Variants in RPIA observed in about 807,000 individuals in gnomAD.
The protein encoded by RPIA is ribose-5-phosphate isomerase.
RPIA carries 29 observed loss-of-function variants against 37.8 expected under a neutral mutation model. That is an observed-to-expected ratio of 0.77 (90% CI 0.57 to 1.05). The LOEUF (loss-of-function observed/expected upper bound fraction) is 1.05, where lower values mean the gene tolerates loss of function less well. RPIA is among the 50% of genes least tolerant of loss of function. The probability of loss-of-function intolerance (pLI) is 0.00; values close to 1 mark genes in which losing one functional copy is unlikely to be tolerated. For synonymous variants in RPIA, 167 were observed against 157.0 expected (o/e 1.06, Z -0.48); for missense variants, 385 against 413.6 (o/e 0.93, Z 0.60).
rs756833574 is a variant in RPIA at position 88,691,806 on chromosome 2, C to G, written c.108C>G (p.Leu36=). The G allele has an allele frequency of 6.3e-7, 1 of 1,595,272 alleles. No homozygotes were observed. The highest frequency in any genetic ancestry group is 1.3e-5 in the African/African-American group (1 of 74,776). ...ASGGGGNSWD[L]PGSHVRLPGR... ...GCGGAGGAGGGAACAGCTGGGACCT[C>G]CCGGGTTCCCACGTGCGGCTGCCGG... Residue 36 remains leucine (L), a synonymous_variant, in exon 1 of 9, where the codon CTC becomes CTG. Transcript: ENST00000283646.
chr2:88,736,226 A>G (rs1251878622), intron 6 of RPIA, among the ~76,000 whole-genome samples: 1 of 152,234 alleles, frequency 6.6e-6, no homozygotes, highest in Non-Finnish European at 1.5e-5. Context: ...TGTGCTGAGC[A>G]TGTTAATTTC....
intron 4 of RPIA, among the ~76,000 whole-genome samples, chr2:88,733,001 G>A (rs1329855111): frequency 2.0e-5 from 3 of 152,226 alleles, no homozygotes; most frequent in Non-Finnish European, 4.4e-5. Flanking sequence ...GGCACAGAGA[G>A]GGTAAGTCAT....
chr2:88,703,032 A>C (rs1377955940), intron 3 of RPIA, among the ~76,000 whole-genome samples: 1 of 152,204 alleles, frequency 6.6e-6, no homozygotes, highest in Non-Finnish European at 1.5e-5. Context: ...TAAAGCGCCA[A>C]AATGATCTCC....
In RPIA at chr2:88,750,459, C is replaced by T. The variant is rs1388246896; in HGVS notation, c.*381C>T. On this transcript the variant is annotated 3_prime_UTR_variant, in exon 9 of 9. Coordinates refer to ENST00000283646, the MANE Select transcript of RPIA (RefSeq NM_144563.3). ...TGCTGAGAAATAAAAATCAAAACTT[C>T]TTTAAGCTGGTAAAGTGAGGGGCCC... The T allele has an allele frequency of 2.3e-6, 1 of 430,864 alleles. No homozygotes were observed. Among genetic ancestry groups the T allele is most frequent in the African/African-American group, 2.0e-5 (1 of 48,888 alleles). The allele number at this position is 430,864 out of a possible 1,614,324, so 26.7% of individuals were successfully genotyped here. A position where few individuals can be genotyped will look rare whatever the true frequency, so the allele number is the denominator to read the frequency against.
At chr2:88,699,226 T>G (rs957049864) in intron 2 of RPIA, among the ~76,000 whole-genome samples, 2 of 152,226 alleles carry the variant, frequency 1.3e-5, no homozygotes, top group African/African-American at 2.4e-5. Flanking sequence ...GCCTTCTCAC[T>G]GGCCAAATAG....
chr2:88,739,476 A>G (rs1673357314), intron 8 of RPIA, among the ~76,000 whole-genome samples: 1 of 152,240 alleles, frequency 6.6e-6, no homozygotes, highest in South Asian at 2.1e-4. Context: ...TGTTTGTTGA[A>G]TGAATAAATC....
rs768848619 is a variant in RPIA, at chr2:88,734,564, A to G, written c.475A>G (p.Ile159Val). The change falls in exon 5 of 9, where the codon ATC becomes GTC. Residue 159 changes from isoleucine (I) to valine (V), a missense_variant. Physicochemically the swap from Ile to Val is conservative, Grantham distance 29. Coordinates refer to ENST00000283646, the MANE Select transcript of RPIA (RefSeq NM_144563.3). ...LDRHPEIDLAIDGADEVDADL... is the reference protein window; with the variant it reads ...LDRHPEIDLAVDGADEVDADL... Reference sequence around the variant, plus strand: ...TCCCCCAATACAGATCGACCTTGCCATCGATGGTGCTGATGAAGTAGATGC... The same window carrying G: ...TCCCCCAATACAGATCGACCTTGCCGTCGATGGTGCTGATGAAGTAGATGC... The G allele has an allele frequency of 1.2e-6, 2 of 1,613,520 alleles. No individual in the cohort carries two copies. Among genetic ancestry groups the G allele is most frequent in the Middle Eastern group, 1.7e-4 (1 of 6,060 alleles).
At chr2:88,732,826 G>C (rs1021018346) in intron 4 of RPIA, among the ~76,000 whole-genome samples, 2 of 150,772 alleles carry the variant, frequency 1.3e-5, no homozygotes, top group African/African-American at 4.9e-5. Context: ...AGAGGAGACT[G>C]ATGTTGGTGA....
intron 3 of RPIA, among the ~76,000 whole-genome samples, chr2:88,700,315 G>GTC (rs1484436385): frequency 2.0e-5 from 3 of 152,188 alleles, no homozygotes; most frequent in Admixed American, 1.3e-4. Context: ...TGGCCCGGTA[G>GTC]TCTCTCTCCT....
At chr2:88,706,704 A>T (rs1672902279) in intron 3 of RPIA, among the ~76,000 whole-genome samples, 3 of 124,100 alleles carry the variant, frequency 2.4e-5, no homozygotes, top group South Asian at 4.5e-4. Flanking sequence ...ATTTTAAATT[A>T]AAAAAAAAAA....
chr2:88,747,615 A>G (rs1250974985), intron 8 of RPIA, among the ~76,000 whole-genome samples: 2 of 152,156 alleles, frequency 1.3e-5, no homozygotes, highest in African/African-American at 4.8e-5. Context: ...CCTGGGCTCA[A>G]GCTGGGGACT....
At chr2:88,698,928 T>C (rs2104072708) in intron 2 of RPIA, among the ~76,000 whole-genome samples, 1 of 152,354 alleles carries the variant, frequency 6.6e-6, no homozygotes, top group East Asian at 1.9e-4. Context: ...TCCATGACCC[T>C]GGAGTGGATG....
intron 3 of RPIA, among the ~76,000 whole-genome samples, chr2:88,700,468 A>G (rs532613412): frequency 3.9e-5 from 6 of 152,288 alleles, no homozygotes; most frequent in Non-Finnish European, 8.8e-5. Context: ...CCTGGGCATT[A>G]TGGTGAAAGC....
chr2:88,703,878 C>T (rs965287119), intron 3 of RPIA, among the ~76,000 whole-genome samples: 3 of 152,220 alleles, frequency 2.0e-5, no homozygotes, highest in Non-Finnish European at 2.9e-5. Context: ...ATGCTTTTAA[C>T]AGCACCCAAG....
At chr2:88,734,790 G>A (rs541057713) in intron 5 of RPIA, among the ~76,000 whole-genome samples, 174 bp downstream of exon 5, 17 of 152,308 alleles carry the variant, frequency 1.1e-4, no homozygotes, top group Admixed American at 2.0e-4. Context: ...GTCATTAGCA[G>A]CAATTTACTG....
chr2:88,703,323 C>T (rs1347629198), intron 3 of RPIA, among the ~76,000 whole-genome samples: 3 of 152,358 alleles, frequency 2.0e-5, no homozygotes, highest in South Asian at 2.1e-4. Context: ...ATTTTCCATC[C>T]GCACTGCCCT....
intron 3 of RPIA, among the ~76,000 whole-genome samples, chr2:88,725,289 C>G (rs955070030): frequency 2.0e-5 from 3 of 152,082 alleles, no homozygotes; most frequent in African/African-American, 7.2e-5. Context: ...TTGTGGAACT[C>G]CATGCATCAG....
At position 88,736,692 on chromosome 2, in the gene RPIA, G is replaced by A; in HGVS notation, c.738+16G>A. The A allele has an allele frequency of 6.2e-7, 1 of 1,605,716 alleles. No individual in the cohort carries two copies. Among genetic ancestry groups the A allele is most frequent in the Non-Finnish European group, 8.5e-7 (1 of 1,172,848 alleles). ...CAACAAGGCTGTGAGTGGCCTGGTT[G>A]GGCCGGGGGTGTGCTGGGTGCACTC... On this transcript the variant is annotated intron_variant, in intron 7 of 8. Transcript: ENST00000283646.
chr2:88,734,733 C>G, intron 5 of RPIA, 117 bp downstream of exon 5: 1 of 1,097,766 alleles, frequency 9.1e-7, no homozygotes, highest in Non-Finnish European at 1.4e-6. Flanking sequence ...TGTCTTTCTC[C>G]TAGGATATTG....
Sources: gnomAD v4.1 joint callset for allele counts (sites outside exome capture counted in the v4.1 genomes callset) on GRCh38, gnomAD v4.1.1 for gene constraint, MANE v1.5 for transcripts, NCBI Gene and HGNC (gene_info 2026-07-23, HGNC 2026-07-21) for gene names.